The following RYR2 variants were observed in gnomAD, a reference collection of about 807,000 sequenced individuals.
RYR2 encodes the protein cardiac muscle ryanodine receptor-calcium release channel.
Under a neutral mutation model 601.1 loss-of-function variants are expected in RYR2, and 227 were observed. The observed-to-expected ratio is 0.38, with a 90% confidence interval of 0.34 to 0.42. The LOEUF is 0.42. Ranked by LOEUF, RYR2 falls within the 10% of genes least tolerant of loss-of-function variation. RYR2 has a pLI of 1.00. For missense variants in RYR2, 4,646 were observed against 6,156.5 expected (o/e 0.75, Z 8.21); for synonymous variants, 2,223 against 2,175.1 (o/e 1.02, Z -0.61).
intron 79 of RYR2, among the ~76,000 whole-genome samples, chr1:237,735,161 T>C (rs1691032925): frequency 6.6e-6 from 1 of 152,234 alleles, no homozygotes; most frequent in East Asian, 1.9e-4. Context: ...CAGATTTATT[T>C]CATGTATATC....
At chr1:237,111,706 G>T (rs892888469) in intron 1 of RYR2, among the ~76,000 whole-genome samples, 1 of 152,060 alleles carries the variant, frequency 6.6e-6, no homozygotes, top group South Asian at 2.1e-4. Context: ...GCCATCTTTG[G>T]GATTCTCTTT....
At chr1:237,348,081 T>G (rs11800727) in intron 3 of RYR2, among the ~76,000 whole-genome samples, 99 of 152,248 alleles carry the variant, frequency 6.5e-4, no homozygotes, top group Non-Finnish European at 1.2e-3. Context: ...TACAAGATCT[T>G]GAAGGAAAAA....
intron 28 of RYR2, 130 bp from the exon 29 acceptor site, chr1:237,569,015 T>G (rs2148273615): frequency 1.5e-6 from 1 of 675,546 alleles, no homozygotes; most frequent in Non-Finnish European, 2.4e-6. Flanking sequence ...AGTAGACCGA[T>G]ATGCCAGCTG....
chr1:237,070,670 G>T (rs762680526), intron 1 of RYR2, among the ~76,000 whole-genome samples: 7 of 152,326 alleles, frequency 4.6e-5, no homozygotes, highest in Admixed American at 2.0e-4. Flanking sequence ...GGTGCAGGAG[G>T]CCAGGGTTGT....
chr1:237,100,980 C>T lies in RYR2; in HGVS notation c.48+58411C>T, dbSNP rs546005267. On this transcript the variant is annotated intron_variant, in intron 1 of 104. Transcript: ENST00000366574. ...ACCATGTGATGTTGGGATGGCTTGT[C>T]TTTGCCGCCTCACTTCCTAAGCTGA... Among the ~76,000 whole-genome samples the T allele has an allele frequency of 2.0e-5, 3 of 152,012 alleles. No homozygotes were observed. In the East Asian group the frequency reaches 5.8e-4, roughly 30 times the overall value.
intron 21 of RYR2, among the ~76,000 whole-genome samples, chr1:237,501,520 A>G (rs1241336032): frequency 6.6e-6 from 1 of 152,206 alleles, no homozygotes; most frequent in South Asian, 2.1e-4. Flanking sequence ...TGAAACTTTA[A>G]TAAATGATGG....
At chr1:237,205,594 C>T (rs648681) in intron 1 of RYR2, among the ~76,000 whole-genome samples, 65,481 of 152,064 alleles carry the variant, frequency 0.43, 14,882 homozygotes, top group Admixed American at 0.51. Flanking sequence ...GGCTGGCACC[C>T]AGGCTGGTGG....
intron 2 of RYR2, among the ~76,000 whole-genome samples, chr1:237,319,917 T>A (rs1429260427): frequency 1.3e-5 from 2 of 152,208 alleles, no homozygotes; most frequent in Non-Finnish European, 2.9e-5. Context: ...GCAGTGTGCA[T>A]GGCATCTGCT....
chr1:237,129,373 T>C (rs1187570922), intron 1 of RYR2, among the ~76,000 whole-genome samples: 2 of 152,208 alleles, frequency 1.3e-5, no homozygotes, highest in African/African-American at 4.8e-5. Context: ...AAGACAGATG[T>C]TAGTGATGGC....
chr1:237,693,601 T>C (rs1687137506), intron 63 of RYR2, among the ~76,000 whole-genome samples: 2 of 152,214 alleles, frequency 1.3e-5, no homozygotes, highest in Non-Finnish European at 2.9e-5. Context: ...ACATCATTAA[T>C]ACAACTCCAA....
At chr1:237,446,624 A>G (rs2927930) in intron 14 of RYR2, among the ~76,000 whole-genome samples, 15,948 of 151,994 alleles carry the variant, frequency 0.1, 1,303 homozygotes, top group African/African-American at 0.23. Flanking sequence ...TTTATAAACC[A>G]TCTCTTTTAT....
At position 237,488,637 on chromosome 1, in the gene RYR2, T is replaced by C. The variant is rs1343950815; in HGVS notation, c.1709-3169T>C. The stretch of plus-strand genomic sequence containing the variant: ...GTGAAAATAGCCTTAACCGATGACA[T>C]TCCACCATTGTGATTTGCTCCTGTC... On this transcript the variant is annotated intron_variant, in intron 17 of 104. Transcript: ENST00000366574. 2.6e-5 allele frequency among the ~76,000 whole-genome samples: 4 copies of C among 152,150 alleles called. No individual in the cohort carries two copies. In the East Asian group the frequency reaches 5.8e-4, roughly 22 times the overall value.
At chr1:237,103,266 C>T (rs528830579) in intron 1 of RYR2, among the ~76,000 whole-genome samples, 3 of 152,300 alleles carry the variant, frequency 2.0e-5, no homozygotes, top group East Asian at 1.9e-4. Context: ...CACTGTCCTA[C>T]GTTTGGGAAC....
intron 84 of RYR2, among the ~76,000 whole-genome samples, chr1:237,763,539 C>G (rs570198539): frequency 6.6e-6 from 1 of 152,262 alleles, no homozygotes; most frequent in African/African-American, 2.4e-5. Flanking sequence ...GCAGTAGAAA[C>G]AATAGCAACT....
intron 24 of RYR2, 35 bp from the exon 25 acceptor site, chr1:237,530,392 A>C (rs1199513088): frequency 6.7e-7 from 1 of 1,491,990 alleles, no homozygotes. Context: ...CATAGAGAAG[A>C]AATGATCACA....
intron 93 of RYR2, chr1:237,791,869 C>T: frequency 1.7e-6 from 1 of 579,218 alleles, no homozygotes; most frequent in South Asian, 2.2e-5. Flanking sequence ...AATTTTTTAG[C>T]ATGCATTGGA....
chr1:237,262,245 G>GTTGTTTTTTTTT (rs1688599609), intron 1 of RYR2, among the ~76,000 whole-genome samples: 9 of 61,106 alleles, frequency 1.5e-4, no homozygotes, highest in African/African-American at 4.8e-4. Context: ...GTTCTAAAGA[G>GTTGTTTTTTTTT]TTTTTTTTTT....
At chr1:237,454,665 C>T in intron 15 of RYR2, 91 bp downstream of exon 15, 1 of 1,355,922 alleles carries the variant, frequency 7.4e-7, no homozygotes, top group Admixed American at 2.0e-5. Flanking sequence ...TTTTGACCAT[C>T]TTTGCGTTTT....
chr1:237,176,576 A>T (rs12132509), intron 1 of RYR2, among the ~76,000 whole-genome samples: 55,746 of 151,284 alleles, frequency 0.37, 12,300 homozygotes, highest in Non-Finnish European at 0.49. Flanking sequence ...TTATTTATTT[A>T]TTTTTTTAAA....
Sources: allele counts gnomAD v4.1 joint callset (sites outside exome capture counted in the v4.1 genomes callset), GRCh38; gene constraint gnomAD v4.1.1; transcripts MANE v1.5; gene names NCBI Gene and HGNC (gene_info 2026-07-23, HGNC 2026-07-21).